The following ECHDC2 variants were observed in gnomAD, a reference collection of about 807,000 sequenced individuals.
ECHDC2 encodes the protein enoyl-CoA hydratase domain containing 2.
ECHDC2 carries 34 observed loss-of-function variants against 40.6 expected under a neutral mutation model. That is an observed-to-expected ratio of 0.84 (90% confidence interval 0.64 to 1.11). ECHDC2 has a LOEUF of 1.11. ECHDC2 is among the 50% of genes most tolerant of loss of function. The probability of loss-of-function intolerance (pLI) is 0.00; values close to 1 mark genes in which losing one functional copy is unlikely to be tolerated. For synonymous variants in ECHDC2, 162 were observed against 166.6 expected (o/e 0.97, Z 0.21); for missense variants, 392 against 400.7 (o/e 0.98, Z 0.19).
At chr1:52,897,897 A>G (rs1049169789) in intron 8 of ECHDC2, 5 of 263,210 alleles carry the variant, frequency 1.9e-5, no homozygotes, top group Middle Eastern at 2.7e-3. Flanking sequence ...ACAGCTGAGA[A>G]ACCTGAGGCA....
intron 1 of ECHDC2, among the ~76,000 whole-genome samples, chr1:52,916,251 C>T (rs1161462593): frequency 6.6e-6 from 1 of 152,268 alleles, no homozygotes; most frequent in East Asian, 1.9e-4. Flanking sequence ...CTGATATAGC[C>T]GTGGTATCCT....
intron 1 of ECHDC2, chr1:52,920,456 G>C: frequency 7.5e-7 from 1 of 1,332,100 alleles, no homozygotes; most frequent in South Asian, 1.2e-5. Flanking sequence ...CAAGAATGCA[G>C]GCCAAGGAGA....
chr1:52,896,797 T>C, intron 9 of ECHDC2, 200 bp from the exon 10 acceptor site: 1 of 568,248 alleles, frequency 1.8e-6, no homozygotes, highest in Non-Finnish European at 3.1e-6. Context: ...CTTTGTATTC[T>C]CTGTGCCCCA....
At chr1:52,897,373 A>G in intron 9 of ECHDC2, 64 bp downstream of exon 9, 1 of 1,544,214 alleles carries the variant, frequency 6.5e-7, no homozygotes, top group Non-Finnish European at 9.0e-7. Flanking sequence ...CATGTACCAT[A>G]CAAAGTCCCT....
intron 3 of ECHDC2, 101 bp from the exon 4 acceptor site, chr1:52,908,055 C>T: frequency 9.8e-7 from 1 of 1,025,106 alleles, no homozygotes; most frequent in Non-Finnish European, 1.5e-6. Context: ...GGACAGGCAG[C>T]CAGCGAGGAA....
chr1:52,904,533 G>T (rs993847969), intron 7 of ECHDC2, 113 bp downstream of exon 7: 6 of 956,408 alleles, frequency 6.3e-6, no homozygotes, highest in South Asian at 3.7e-5. Context: ...CTCCAAAGAG[G>T]GTTAATCATA....
chr1:52,899,479 A>G (rs1362456887), intron 7 of ECHDC2: 11 of 534,548 alleles, frequency 2.1e-5, no homozygotes, highest in Middle Eastern at 5.0e-4. Flanking sequence ...CATGCACAAC[A>G]TAACTAGTTT....
chr1:52,897,698 TCTC>T (rs1646726975), intron 8 of ECHDC2: 1 of 612,936 alleles, frequency 1.6e-6, no homozygotes, highest in Non-Finnish European at 2.9e-6. Flanking sequence ...GAAGAGGAGT[TCTC>T]CTTCCCATCC....
intron 1 of ECHDC2, 39 bp downstream of exon 1, chr1:52,921,514 C>G: frequency 6.3e-7 from 1 of 1,592,522 alleles, no homozygotes; most frequent in African/African-American, 1.4e-5. Context: ...CGGCCTAGTC[C>G]CAGTCGCGTC....
intron 1 of ECHDC2, among the ~76,000 whole-genome samples, chr1:52,920,068 ATAACT>A (rs1387458161): frequency 6.6e-6 from 1 of 152,262 alleles, no homozygotes; most frequent in Non-Finnish European, 1.5e-5. Flanking sequence ...CCTGGTTCAA[ATAACT>A]TAACCTTCTG....
chr1:52,906,497 GC>G, intron 5 of ECHDC2, 21 bp downstream of exon 5: 1 of 1,586,954 alleles, frequency 6.3e-7, no homozygotes, highest in East Asian at 2.3e-5. Flanking sequence ...CCCACCCCCT[GC>G]CCCCAGTCCT....
intron 3 of ECHDC2, among the ~76,000 whole-genome samples, chr1:52,910,360 T>G (rs1020167309): frequency 1.1e-5 from 1 of 92,948 alleles, no homozygotes; most frequent in African/African-American, 4.5e-5. Context: ...TCGTTTTTTT[T>G]TTTTTTTTTT....
At chr1:52,900,399 A>T (rs1211689200) in intron 7 of ECHDC2, 3 of 152,210 alleles carry the variant, frequency 2.0e-5, no homozygotes, top group African/African-American at 7.2e-5. Context: ...ACGAAGGTTT[A>T]TAAATGTTTT....
At position 52,899,506 on chromosome 1, in the gene ECHDC2, C is replaced by T. The variant is rs538097767; in HGVS notation, c.703-282G>A. 3 of 460,138 alleles carry T rather than the reference C, an allele frequency of 6.5e-6. No individual in the cohort carries two copies. In the South Asian group the frequency reaches 7.0e-5, roughly 11 times the overall value. The allele number at this position is 460,138 out of a possible 1,614,324, so 28.5% of individuals were successfully genotyped here. On this transcript the variant is annotated intron_variant, in intron 7 of 9. Transcript: ENST00000371522. ...AACTAGTTTACAAAGTGCTTTCCTC[C>T]CCCACAGACTCATCTAATGGTGCTA...
chr1:52,921,369 A>G (rs2150078830), intron 1 of ECHDC2, 184 bp downstream of exon 1: 1 of 1,353,998 alleles, frequency 7.4e-7, no homozygotes, highest in East Asian at 2.8e-5. Context: ...CCCCAGCTAG[A>G]GTCTGGAGCC....
Position 52,906,518 on chromosome 1 carries a change from CCTGCCACTCGGAGGTCA to C in ECHDC2, c.441_457del (p.Asp148PhefsTer9). The C allele has an allele frequency of 6.2e-7, 1 of 1,609,942 alleles. No individual in the cohort carries two copies. Among genetic ancestry groups the C allele is most frequent in the East Asian group, 2.2e-5 (1 of 44,816 alleles). On this transcript the variant is annotated frameshift_variant and splice_region_variant, in exon 5 of 10. Coordinates refer to ENST00000371522, the MANE Select transcript of ECHDC2 (RefSeq NM_001198961.2). LOFTEE classifies it high-confidence loss of function. Reference sequence around the variant, plus strand: ...CCCTGCCCCCAGTCCTGGCCCAGTACCTGCCACTCGGAGGTCACAGGCCAGGGCAAGCTCTAGGCCTC... The same window carrying C: ...CCCTGCCCCCAGTCCTGGCCCAGTACCAGGCCAGGGCAAGCTCTAGGCCTC...
intron 7 of ECHDC2, chr1:52,901,010 T>C (rs977413744): frequency 1.3e-5 from 2 of 151,886 alleles, no homozygotes; most frequent in African/African-American, 4.8e-5. Context: ...AATAAAAAAT[T>C]AGCTGGGCGT....
intron 8 of ECHDC2, chr1:52,898,796 C>T: frequency 3.0e-6 from 1 of 330,500 alleles, no homozygotes; most frequent in East Asian, 8.7e-5. Flanking sequence ...TTAGCCACAC[C>T]CAAGGCATCA....
Position 52,914,171 on chromosome 1 carries a change from G to C in ECHDC2, c.122-2381C>G, listed in dbSNP as rs1426352600. On this transcript the variant is annotated intron_variant, in intron 1 of 9. Coordinates refer to ENST00000371522, the MANE Select transcript of ECHDC2 (RefSeq NM_001198961.2). This position sits in a 1 kb window ranked among gnomAD's most constrained non-coding sequence, Gnocchi z 4.0. ...GAGAAAAAGGACAAACAAGTAAGGG[G>C]CCTCCAGTGGGCAGAGGGGAGCCCT... 2.2e-6 allele frequency: 1 copy of C among 451,390 alleles called. No individual in the cohort carries two copies. Among genetic ancestry groups the C allele is most frequent in the African/African-American group, 2.0e-5 (1 of 49,702 alleles). 28.0% of individuals were successfully genotyped at this position (451,390 alleles called of 1,614,324 possible).
Sources: allele counts gnomAD v4.1 joint callset (sites outside exome capture counted in the v4.1 genomes callset), GRCh38; gene constraint gnomAD v4.1.1; non-coding constraint Gnocchi (gnomAD v3.1); transcripts MANE v1.5; gene names NCBI Gene and HGNC (gene_info 2026-07-23, HGNC 2026-07-21).